ZNF652: variants seen among roughly 807,000 people sequenced by gnomAD.
ZNF652 encodes zinc finger protein 652.
In ZNF652, 16 loss-of-function variants were observed where a neutral mutation model predicts 45.2. The ratio of observed to expected loss-of-function variants is 0.35; its 90% CI spans 0.24 to 0.54. The LOEUF (loss-of-function observed/expected upper bound fraction) is 0.54. Ranked by LOEUF, ZNF652 falls within the 20% of genes least tolerant of loss-of-function variation. The pLI is 0.91. For missense variants in ZNF652, 614 were observed against 765.6 expected (o/e 0.80, Z 2.34); for synonymous variants, 250 against 260.6 (o/e 0.96, Z 0.39).
At chr17:49,351,447 C>T (rs1192063692) in intron 1 of ZNF652, among the ~76,000 whole-genome samples, 1 of 152,020 alleles carries the variant, frequency 6.6e-6, no homozygotes, top group Non-Finnish European at 1.5e-5. Flanking sequence ...CATACAGACA[C>T]AGGCATACTG....
chr17:49,298,514 G>C lies in ZNF652; in HGVS notation c.1720C>G (p.Pro574Ala). ...IPPVPHLPPP[P>A]ALFKSEPLNH... ...AAAGGCTCACTCTTAAAGAGAGCTG[G>C]AGGTGGCGGGAGGTGAGGGACTGGA... Residue 574 changes from proline to alanine, a missense_variant, in exon 6 of 6, where the codon CCA becomes GCA. Around this residue, in one of 5 missense-constraint regions of ZNF652, gnomAD observed 132 missense variants for 137.2 expected, o/e 0.96. Coordinates refer to ENST00000430262, the MANE Select transcript of ZNF652 (RefSeq NM_001145365.3). 6.2e-7 allele frequency: 1 copy of C among 1,612,938 alleles called. No homozygotes were observed. Among genetic ancestry groups the C allele is most frequent in the South Asian group, 1.1e-5 (1 of 90,996 alleles).
At chr17:49,311,888 A>G in intron 4 of ZNF652, 39 bp downstream of exon 4, 1 of 1,536,664 alleles carries the variant, frequency 6.5e-7, no homozygotes. Flanking sequence ...TGCAAACACT[A>G]GCCCCTAGGC....
At chr17:49,337,696 AT>A (rs939939173) in intron 1 of ZNF652, among the ~76,000 whole-genome samples, 2 of 152,276 alleles carry the variant, frequency 1.3e-5, no homozygotes, top group Admixed American at 1.3e-4. Flanking sequence ...CAAGGAGCCC[AT>A]GTCTTCTTTT....
intron 5 of ZNF652, among the ~76,000 whole-genome samples, chr17:49,306,286 T>C (rs1228106666): frequency 2.0e-5 from 3 of 152,154 alleles, no homozygotes; most frequent in African/African-American, 7.2e-5. Flanking sequence ...GCACAAGCAA[T>C]TCAGAAAAGA....
At chr17:49,350,970 C>CATATATATATATATAT (rs372720324) in intron 1 of ZNF652, among the ~76,000 whole-genome samples, 10 of 42,294 alleles carry the variant, frequency 2.4e-4, no homozygotes, top group Non-Finnish European at 3.4e-4. Flanking sequence ...ACTCTGTCTA[C>CATATATATATATATAT]ATATATATAT....
At chr17:49,339,417 C>T (rs1451216401) in intron 1 of ZNF652, among the ~76,000 whole-genome samples, 1 of 148,306 alleles carries the variant, frequency 6.7e-6, no homozygotes, top group African/African-American at 2.5e-5. Flanking sequence ...TCCAAAATTA[C>T]ATGTTTTATT....
At chr17:49,325,509 G>C (rs2069947268) in intron 1 of ZNF652, among the ~76,000 whole-genome samples, 1 of 152,180 alleles carries the variant, frequency 6.6e-6, no homozygotes, top group African/African-American at 2.4e-5. Context: ...ATGTGACACA[G>C]AGACACAAAG....
intron 1 of ZNF652, among the ~76,000 whole-genome samples, chr17:49,342,913 GCT>G (rs1174138112): frequency 3.5e-5 from 5 of 142,174 alleles, no homozygotes; most frequent in African/African-American, 1.3e-4. Context: ...GCAGACTCTT[GCT>G]CTGTCACCCA....
intron 1 of ZNF652, among the ~76,000 whole-genome samples, chr17:49,331,911 G>C (rs146770298): frequency 6.6e-6 from 1 of 152,338 alleles, no homozygotes; most frequent in African/African-American, 2.4e-5. Context: ...GGAGCTTGCA[G>C]TGAGCTGAGA....
In ZNF652 at chr17:49,337,337, T is replaced by TA. The variant is rs71369295; in HGVS notation, c.-258-19355dup. Among the ~76,000 whole-genome samples the TA allele has an allele frequency of 2.2e-3, 286 of 130,530 alleles. 1 individual carries two copies. The highest frequency in any genetic ancestry group is 0.014 in the East Asian group (63 of 4,638). 85.6% of individuals were successfully genotyped at this position (130,530 alleles called of 152,430 possible). A position where few individuals can be genotyped will look rare whatever the true frequency, so the allele number is the denominator to read the frequency against. On this transcript the variant is annotated intron_variant, in intron 1 of 5. Transcript: ENST00000430262. ...GGCAACAGACCAATACCCATTCTCT[T>TA]AAAAAAAAAAAAAAAAAGAAAAAAG... is the stretch of plus-strand genomic sequence containing the variant.
Position 49,312,730 on chromosome 17 carries a change from T to C in ZNF652, c.1016A>G (p.Tyr339Cys), listed in dbSNP as rs2069734324. 1.2e-6 allele frequency: 2 copies of C among 1,614,016 alleles called. No individual in the cohort carries two copies. Among genetic ancestry groups the C allele is most frequent in the Non-Finnish European group, 1.7e-6 (2 of 1,180,024 alleles). ...GTGTTTCCGCACATGAGCCATGGTATAGAATTTCTTCTCACAAATTTCACA... is the reference window on the plus strand; with the variant it reads ...GTGTTTCCGCACATGAGCCATGGTACAGAATTTCTTCTCACAAATTTCACA... Reference protein sequence around the residue: ...FSCEICEKKFYTMAHVRKHMV... With the variant: ...FSCEICEKKFCTMAHVRKHMV... The change falls in exon 3 of 6, where the codon TAT becomes TGT. Residue 339 changes from tyrosine (Y) to cysteine (C), a missense_variant. Tyr to Cys is a radical substitution (Grantham distance 194). Around this residue, in one of 5 missense-constraint regions of ZNF652, gnomAD observed 262 missense variants for 306.3 expected, o/e 0.86. Coordinates refer to ENST00000430262, the MANE Select transcript of ZNF652 (RefSeq NM_001145365.3).
intron 5 of ZNF652, among the ~76,000 whole-genome samples, chr17:49,305,467 A>T (rs1323680247): frequency 6.6e-6 from 1 of 152,230 alleles, no homozygotes; most frequent in East Asian, 1.9e-4. Flanking sequence ...AATAAATAAA[A>T]TAAAGATAAT....
intron 1 of ZNF652, among the ~76,000 whole-genome samples, chr17:49,325,037 G>A (rs1224245053): frequency 2.0e-5 from 3 of 150,478 alleles, no homozygotes; most frequent in Non-Finnish European, 4.4e-5. Flanking sequence ...CACTGCACCC[G>A]GCCCACTGGG....
At chr17:49,310,892 G>T (rs1287602291) in intron 5 of ZNF652, among the ~76,000 whole-genome samples, 1 of 152,114 alleles carries the variant, frequency 6.6e-6, no homozygotes, top group African/African-American at 2.4e-5. Flanking sequence ...ATGGAAAAGA[G>T]ACCCTGTCTT....
intron 1 of ZNF652, among the ~76,000 whole-genome samples, chr17:49,338,087 A>G (rs1413309156): frequency 6.6e-6 from 1 of 151,760 alleles, no homozygotes; most frequent in Non-Finnish European, 1.5e-5. Context: ...TCCCAGGCTC[A>G]AGTAATCCTC....
At chr17:49,351,028 C>CGT (rs1567700362) in intron 1 of ZNF652, among the ~76,000 whole-genome samples, 44 of 100,188 alleles carry the variant, frequency 4.4e-4, no homozygotes, top group Non-Finnish European at 6.0e-4. Context: ...CACACACACA[C>CGT]ACACACACAC....
rs2069409035 is a variant in ZNF652 at position 49,291,907 on chromosome 17, A to C, written c.*6506T>G. On this transcript the variant is annotated 3_prime_UTR_variant, in exon 6 of 6. Coordinates refer to ENST00000430262, the MANE Select transcript of ZNF652 (RefSeq NM_001145365.3). Reference sequence around the variant, plus strand: ...CACCTTCCCATCCCAAATAGCAGTGAAGCCTTCAAAAATCTTGAATTTATT... The same window carrying C: ...CACCTTCCCATCCCAAATAGCAGTGCAGCCTTCAAAAATCTTGAATTTATT... Among the ~76,000 whole-genome samples the C allele has an allele frequency of 6.6e-6, 1 of 152,190 alleles. No individual in the cohort carries two copies. The highest frequency in any genetic ancestry group is 2.1e-4 in the South Asian group (1 of 4,832).
chr17:49,333,362 G>A (rs2070045033), intron 1 of ZNF652, among the ~76,000 whole-genome samples: 2 of 149,530 alleles, frequency 1.3e-5, no homozygotes, highest in Non-Finnish European at 3.0e-5. Flanking sequence ...CGGCCAAAAT[G>A]AAATAATTTA....
At chr17:49,324,213 A>G (rs1291396811) in intron 1 of ZNF652, among the ~76,000 whole-genome samples, 1 of 151,942 alleles carries the variant, frequency 6.6e-6, no homozygotes, top group Non-Finnish European at 1.5e-5. Flanking sequence ...TCATGAACCA[A>G]CCTCTCTGCT....
Sources: allele counts gnomAD v4.1 joint callset (sites outside exome capture counted in the v4.1 genomes callset), GRCh38; gene constraint gnomAD v4.1.1; regional missense constraint gnomAD v4.1.1; transcripts MANE v1.5; gene names NCBI Gene and HGNC (gene_info 2026-07-23, HGNC 2026-07-21).